Variants in CADM2 observed in about 807,000 individuals in gnomAD.
The protein encoded by CADM2 is cell adhesion molecule 2, also known as immunoglobulin superfamily member 4D.
Under a neutral mutation model 49.8 loss-of-function variants are expected in CADM2, and 12 were observed. The ratio of observed to expected loss-of-function variants is 0.24; its 90% CI spans 0.15 to 0.39. The LOEUF (loss-of-function observed/expected upper bound fraction) is 0.39, where lower values mean the gene tolerates loss of function less well. Among genes scored for constraint, CADM2 ranks in the 10% least tolerant of loss-of-function variants. The pLI is 1.00. For synonymous variants in CADM2, 214 were observed against 175.4 expected, an observed-to-expected ratio of 1.22 and a Z score of -1.74; for missense variants, 378 against 492.3, an observed-to-expected ratio of 0.77 and a Z score of 2.20.
chr3:85,987,258 T>C (rs1728224564), intron 8 of CADM2, among the ~76,000 whole-genome samples: 2 of 152,090 alleles, frequency 1.3e-5, no homozygotes, highest in African/African-American at 4.8e-5. Context: ...GGCACTCTTG[T>C]GACTTGCATA....
At chr3:85,569,158 T>C (rs1375555) in intron 1 of CADM2, among the ~76,000 whole-genome samples, 78,034 of 151,976 alleles carry the variant, frequency 0.51, 23,064 homozygotes, top group East Asian at 0.85. Flanking sequence ...CAATCCTGAT[T>C]TCTGGCTTTT....
At position 85,557,168 on chromosome 3, in the gene CADM2, A is replaced by T. The variant is rs535878831; in HGVS notation, c.62-169354A>T. Among the ~76,000 whole-genome samples, 8 of 152,150 alleles carry T rather than the reference A, an allele frequency of 5.3e-5. No homozygotes were observed. In the South Asian group the frequency reaches 1.2e-3, roughly 24 times the overall value. On this transcript the variant is annotated intron_variant, in intron 1 of 9. Transcript: ENST00000383699. ...CTAGATTTCCTATAAGAATGAGCTG[A>T]AGTGATAAATAAAAATAAGTATAAA...
intron 1 of CADM2, among the ~76,000 whole-genome samples, chr3:85,569,854 C>T (rs28626345): frequency 0.11 from 16,702 of 152,092 alleles, 2,490 homozygotes; most frequent in African/African-American, 0.34. Flanking sequence ...TGCTGTGTGT[C>T]TTATAATAGT....
intron 1 of CADM2, among the ~76,000 whole-genome samples, chr3:85,348,731 ATG>A (rs2031028472): frequency 6.6e-6 from 1 of 152,182 alleles, no homozygotes; most frequent in South Asian, 2.1e-4. Context: ...ATCTATTAAA[ATG>A]TGAGAGTTTT....
intron 1 of CADM2, among the ~76,000 whole-genome samples, chr3:85,500,897 T>G (rs1249345603): frequency 2.0e-5 from 3 of 148,562 alleles, no homozygotes; most frequent in African/African-American, 5.3e-5. Context: ...CTCAAGGTCT[T>G]GATTTTCAAA....
At chr3:86,023,383 T>C (rs1733453939) in intron 8 of CADM2, among the ~76,000 whole-genome samples, 1 of 151,364 alleles carries the variant, frequency 6.6e-6, no homozygotes, top group South Asian at 2.1e-4. Context: ...TTTTGTTTTG[T>C]TTTGTTTTGT....
chr3:85,196,900 T>C (rs993104524), intron 1 of CADM2, among the ~76,000 whole-genome samples: 5 of 151,978 alleles, frequency 3.3e-5, no homozygotes, highest in Admixed American at 6.6e-5. Flanking sequence ...TAGAAATCAG[T>C]TACTTCTTTG....
rs75090454 is a variant in CADM2 at position 85,631,183 on chromosome 3, T to A, written c.62-95339T>A. Among the ~76,000 whole-genome samples, 513 of 152,142 alleles carry A rather than the reference T, an allele frequency of 3.4e-3. 4 individuals carry two copies. Among genetic ancestry groups the A allele is most frequent in the African/African-American group, 0.012 (496 of 41,532 alleles). On this transcript the variant is annotated intron_variant, in intron 1 of 9. Transcript: ENST00000383699. ...TTCATTTGATGTCTCACCTCAAACA[T>A]CATCTCTTCAGAGAAGCATTTCTGA... is the stretch of plus-strand genomic sequence containing the variant.
chr3:85,604,588 G>T (rs969536766), intron 1 of CADM2, among the ~76,000 whole-genome samples: 5 of 151,956 alleles, frequency 3.3e-5, no homozygotes, highest in Admixed American at 2.0e-4. Flanking sequence ...AATCTCAGAT[G>T]AATGGCTGAT....
chr3:85,726,411 A>T (rs891282321), intron 1 of CADM2, 111 bp from the exon 2 acceptor site: 3 of 1,156,690 alleles, frequency 2.6e-6, no homozygotes, highest in Non-Finnish European at 3.9e-6. Flanking sequence ...TGAAATCACA[A>T]ATGTACTCTT....
chr3:85,361,134 T>C (rs2107279183), intron 1 of CADM2, among the ~76,000 whole-genome samples: 1 of 152,278 alleles, frequency 6.6e-6, no homozygotes, highest in South Asian at 2.1e-4. Context: ...AAGATAAACT[T>C]AGACACATTA....
At chr3:85,844,013 C>G (rs116839143) in intron 3 of CADM2, among the ~76,000 whole-genome samples, 2 of 151,996 alleles carry the variant, frequency 1.3e-5, no homozygotes, top group Admixed American at 1.3e-4. Context: ...CTTTACGGAT[C>G]GGTCCCAGCA....
intron 1 of CADM2, among the ~76,000 whole-genome samples, chr3:85,161,846 A>G (rs2040335311): frequency 6.6e-6 from 1 of 151,940 alleles, no homozygotes; most frequent in Non-Finnish European, 1.5e-5. Context: ...GGTGAAACCC[A>G]TCTCTACTAA....
intron 1 of CADM2, among the ~76,000 whole-genome samples, chr3:85,598,947 T>C (rs975537366): frequency 6.6e-6 from 1 of 151,888 alleles, no homozygotes; most frequent in Non-Finnish European, 1.5e-5. Context: ...AAGAACTCTG[T>C]AGTATGAAAG....
chr3:85,907,743 T>C (rs1716996317), intron 5 of CADM2, among the ~76,000 whole-genome samples: 1 of 152,036 alleles, frequency 6.6e-6, no homozygotes, highest in African/African-American at 2.4e-5. Flanking sequence ...AAACTCCGTC[T>C]CTACAAAAAA....
At chr3:85,417,115 G>T (rs1453417853) in intron 1 of CADM2, among the ~76,000 whole-genome samples, 1 of 151,866 alleles carries the variant, frequency 6.6e-6, no homozygotes, top group African/African-American at 2.4e-5. Context: ...TTTATAAAAT[G>T]CAGTAAGGAT....
rs578166121 is a variant in CADM2 at position 85,974,180 on chromosome 3, C to T, written c.970+12533C>T. Among the ~76,000 whole-genome samples the T allele has an allele frequency of 2.8e-4, 42 of 151,768 alleles. No individual in the cohort carries two copies. The East Asian group carries it at 5.5e-3, about 20-fold the overall frequency. ...AAAGCTCAGAGAAGGAAGATATTAA[C>T]TCTTTGCAGAACTGGGCCATGCTTT... On this transcript the variant is annotated intron_variant, in intron 8 of 9. Coordinates refer to ENST00000383699, the MANE Select transcript of CADM2 (RefSeq NM_001167675.2).
chr3:85,254,536 G>C (rs2042842846), intron 1 of CADM2, among the ~76,000 whole-genome samples: 1 of 151,984 alleles, frequency 6.6e-6, no homozygotes, highest in African/African-American at 2.4e-5. Flanking sequence ...CTAGAGTCCT[G>C]AGTCACCAGG....
intron 8 of CADM2, among the ~76,000 whole-genome samples, chr3:85,995,294 G>C (rs565285644): frequency 1.3e-4 from 20 of 152,010 alleles, no homozygotes; most frequent in Non-Finnish European, 2.5e-4. Context: ...CTTTTAAAAA[G>C]TCATATTGGT....
Sources: allele counts gnomAD v4.1 joint callset (sites outside exome capture counted in the v4.1 genomes callset), GRCh38; gene constraint gnomAD v4.1.1; transcripts MANE v1.5; gene names NCBI Gene and HGNC (gene_info 2026-07-23, HGNC 2026-07-21).